Variants in DNAH9 observed in about 807,000 individuals in gnomAD.
DNAH9 encodes the protein DNAH9 variant protein.
Under a neutral mutation model 471.6 loss-of-function variants are expected in DNAH9, and 345 were observed. The observed-to-expected ratio is 0.73, with a 90% CI of 0.67 to 0.80. The LOEUF (loss-of-function observed/expected upper bound fraction) is 0.80. DNAH9 is among the 30% of genes least tolerant of loss of function. The probability of loss-of-function intolerance (pLI) is 0.00; values close to 1 mark genes in which losing one functional copy is unlikely to be tolerated. For missense variants in DNAH9, 5,407 were observed against 5,609.2 expected, an observed-to-expected ratio of 0.96 and a Z score of 1.15; for synonymous variants, 2,093 against 2,123.6, an observed-to-expected ratio of 0.99 and a Z score of 0.40.
intron 19 of DNAH9, among the ~76,000 whole-genome samples, chr17:11,682,160 T>C (rs1437287508): frequency 6.6e-6 from 1 of 152,000 alleles, no homozygotes; most frequent in African/African-American, 2.4e-5. Flanking sequence ...AGGTTTTATA[T>C]ATTTATATCT....
At chr17:11,856,487 C>T (rs1021974929) in intron 50 of DNAH9, among the ~76,000 whole-genome samples, 1 of 149,844 alleles carries the variant, frequency 6.7e-6, no homozygotes, top group East Asian at 2.0e-4. Flanking sequence ...ATCATGAGGC[C>T]GGGAGATCGA....
intron 8 of DNAH9, among the ~76,000 whole-genome samples, chr17:11,635,591 G>C (rs554205551): frequency 6.6e-6 from 1 of 152,266 alleles, no homozygotes; most frequent in East Asian, 1.9e-4. Flanking sequence ...GACTTCAAGT[G>C]CTAGGTGGAG....
At chr17:11,695,278 C>T (rs941767046) in intron 22 of DNAH9, among the ~76,000 whole-genome samples, 2 of 152,106 alleles carry the variant, frequency 1.3e-5, no homozygotes, top group African/African-American at 4.8e-5. Context: ...AACTGAGAAA[C>T]TTTGAGGATG....
At chr17:11,832,193 A>G (rs190582832) in intron 48 of DNAH9, among the ~76,000 whole-genome samples, 3 of 152,094 alleles carry the variant, frequency 2.0e-5, no homozygotes, top group Admixed American at 6.6e-5. Flanking sequence ...TGGTTGGGGG[A>G]GCCCTAATTC....
chr17:11,822,448 G>A lies in DNAH9; in HGVS notation c.8861G>A (p.Cys2954Tyr). 6.2e-7 allele frequency: 1 copy of A among 1,614,120 alleles called. No individual in the cohort carries two copies. The highest frequency in any genetic ancestry group is 8.5e-7 in the Non-Finnish European group (1 of 1,180,024). The change falls in exon 47 of 69, where the codon TGT (cysteine) becomes TAT (tyrosine). Residue 2954 changes from cysteine to tyrosine, a missense_variant. Transcript: ENST00000262442. ...CTTCTGACTTCTCAGGTGACTCTCT[G>A]TTTCTCCCCTGTGGGAAACAAGCTA... ...RIRRQLKVTLCFSPVGNKLRV... is the reference protein window; with the variant it reads ...RIRRQLKVTLYFSPVGNKLRV...
intron 67 of DNAH9, among the ~76,000 whole-genome samples, chr17:11,958,831 C>T (rs1975824688): frequency 6.6e-6 from 1 of 151,954 alleles, no homozygotes; most frequent in African/African-American, 2.4e-5. Flanking sequence ...ACGTTATGAG[C>T]AAATGACAGA....
chr17:11,790,468 T>G (rs1969025430), intron 41 of DNAH9, among the ~76,000 whole-genome samples: 1 of 152,088 alleles, frequency 6.6e-6, no homozygotes, highest in Admixed American at 6.5e-5. Context: ...CAATTTTGTA[T>G]GACATTAGTA....
At chr17:11,721,264 TG>T (rs1258854827) in intron 27 of DNAH9, among the ~76,000 whole-genome samples, 1 of 152,136 alleles carries the variant, frequency 6.6e-6, no homozygotes, top group African/African-American at 2.4e-5. Flanking sequence ...TTGTTTTTTT[TG>T]TTTGTTTTTT....
chr17:11,654,031 A>T (rs2073570326), intron 14 of DNAH9, among the ~76,000 whole-genome samples: 1 of 152,114 alleles, frequency 6.6e-6, no homozygotes, highest in African/African-American at 2.4e-5. Context: ...CATCAAGCAA[A>T]AAAAGGAATT....
At chr17:11,700,193 C>G (rs1283732641) in intron 23 of DNAH9, among the ~76,000 whole-genome samples, 1 of 152,166 alleles carries the variant, frequency 6.6e-6, no homozygotes, top group Non-Finnish European at 1.5e-5. Context: ...AAATGATTAG[C>G]GGCACCAGGA....
chr17:11,850,650 C>CAA (rs35966472), intron 49 of DNAH9, among the ~76,000 whole-genome samples: 152 of 139,588 alleles, frequency 1.1e-3, no homozygotes, highest in Middle Eastern at 7.3e-3. Flanking sequence ...GACTCCATGT[C>CAA]AAAAAAAAAA....
chr17:11,851,579 A>G (rs936380994), intron 49 of DNAH9, among the ~76,000 whole-genome samples: 2 of 152,210 alleles, frequency 1.3e-5, no homozygotes, highest in African/African-American at 4.8e-5. Context: ...AGTGGGCCAC[A>G]GTCAGAGAGT....
chr17:11,598,770 C>G lies in DNAH9; in HGVS notation c.272C>G (p.Pro91Arg). The G allele has an allele frequency of 6.9e-7, 1 of 1,457,344 alleles. No individual in the cohort carries two copies. Among genetic ancestry groups the G allele is most frequent in the Non-Finnish European group, 9.0e-7 (1 of 1,109,404 alleles). The allele number at this position is 1,457,344 out of a possible 1,614,324, so 90.3% of individuals were successfully genotyped here. A position where few individuals can be genotyped will look rare whatever the true frequency, so the allele number is the denominator to read the frequency against. ...ATACGCCCCGGGCTGGAGGTGGGAC[C>G]TGAGTCGGGCCTGGCTGGCGCTAAG... ...LAIRPGLEVGPESGLAGAKAL... is the reference protein window; with the variant it reads ...LAIRPGLEVGRESGLAGAKAL... The change falls in exon 1 of 69, where the codon CCT becomes CGT. Residue 91 changes from proline (P) to arginine (R), a missense_variant. By Grantham distance (103) the Pro-to-Arg change is moderately radical. This residue lies in a region of DNAH9 where 767 missense variants were observed against 692.5 expected (regional missense o/e 1.11). Coordinates refer to ENST00000262442, the MANE Select transcript of DNAH9 (RefSeq NM_001372.4).
chr17:11,680,211 T>C (rs1441541989), intron 18 of DNAH9, among the ~76,000 whole-genome samples: 1 of 151,642 alleles, frequency 6.6e-6, no homozygotes, highest in African/African-American at 2.4e-5. Flanking sequence ...GGATAATTTT[T>C]CTCCATAGAA....
chr17:11,956,842 CAAT>C (rs1021541381), intron 67 of DNAH9, among the ~76,000 whole-genome samples: 12 of 151,482 alleles, frequency 7.9e-5, no homozygotes, highest in African/African-American at 2.7e-4. Context: ...GTTCCCAAAT[CAAT>C]TATCTAAGCT....
At chr17:11,817,565 T>G (rs1970142482) in intron 45 of DNAH9, among the ~76,000 whole-genome samples, 1 of 152,242 alleles carries the variant, frequency 6.6e-6, no homozygotes, top group Non-Finnish European at 1.5e-5. Flanking sequence ...AGATAATACC[T>G]AATGATCATG....
chr17:11,830,682 C>A (rs180899197), intron 48 of DNAH9, among the ~76,000 whole-genome samples: 1 of 152,088 alleles, frequency 6.6e-6, no homozygotes, highest in African/African-American at 2.4e-5. Context: ...TTGATGGCAA[C>A]CAATGAAAAT....
chr17:11,787,992 C>G (rs57733319), intron 41 of DNAH9, among the ~76,000 whole-genome samples: 1,808 of 152,242 alleles, frequency 0.012, 32 homozygotes, highest in African/African-American at 0.042. Flanking sequence ...TGAAAACGGA[C>G]CAGTACATGC....
At chr17:11,828,134 CT>C (rs1970566225) in intron 48 of DNAH9, among the ~76,000 whole-genome samples, 1 of 152,158 alleles carries the variant, frequency 6.6e-6, no homozygotes, top group Admixed American at 6.5e-5. Context: ...ACTCTTGCCC[CT>C]CTGTAGTCTA....
Sources: gnomAD v4.1 joint callset for allele counts (sites outside exome capture counted in the v4.1 genomes callset) on GRCh38, gnomAD v4.1.1 for gene constraint, gnomAD v4.1.1 regional missense constraint, MANE v1.5 for transcripts, NCBI Gene and HGNC (gene_info 2026-07-23, HGNC 2026-07-21) for gene names.